The following LRBA variants were observed in gnomAD, a reference collection of about 807,000 sequenced individuals.
LRBA encodes LPS responsive beige-like anchor protein.
Under a neutral mutation model 330.0 loss-of-function variants are expected in LRBA, and 176 were observed. The observed-to-expected ratio is 0.53, with a 90% confidence interval of 0.47 to 0.60. The LOEUF (loss-of-function observed/expected upper bound fraction) is 0.60, where lower values mean the gene tolerates loss of function less well. Among genes scored for constraint, LRBA ranks in the 20% least tolerant of loss-of-function variants. The probability of loss-of-function intolerance (pLI) is 0.00; values close to 1 mark genes in which losing one functional copy is unlikely to be tolerated. For synonymous variants in LRBA, 1,230 were observed against 1,193.0 expected, an observed-to-expected ratio of 1.03 and a Z score of -0.64; for missense variants, 3,259 against 3,444.8, an observed-to-expected ratio of 0.95 and a Z score of 1.35.
intron 44 of LRBA, among the ~76,000 whole-genome samples, chr4:150,449,241 C>G (rs989856329): frequency 6.6e-6 from 1 of 152,054 alleles, no homozygotes; most frequent in Non-Finnish European, 1.5e-5. Flanking sequence ...AGGCAAAGAT[C>G]CACTGCTTCT....
At chr4:150,507,668 G>T (rs1008160704) in intron 40 of LRBA, among the ~76,000 whole-genome samples, 5 of 152,092 alleles carry the variant, frequency 3.3e-5, no homozygotes, top group Admixed American at 1.3e-4. Flanking sequence ...ACAGGCATGG[G>T]CAAGGACTTC....
rs138438544 is a variant in LRBA at position 150,908,875 on chromosome 4, A to T, written c.1162-18T>A. ...AATGTACCCTAAGAATTAATTAAAAACAGTTAAATAGTATGCCACAAAGAG... is the reference window on the plus strand; with the variant it reads ...AATGTACCCTAAGAATTAATTAAAATCAGTTAAATAGTATGCCACAAAGAG... On this transcript the variant is annotated intron_variant, in intron 9 of 56. Coordinates refer to ENST00000651943, the MANE Select transcript of LRBA (RefSeq NM_001364905.1). 3.4e-5 allele frequency: 52 copies of T among 1,551,016 alleles called. No individual in the cohort carries two copies. The African/African-American group carries it at 6.1e-4, about 18-fold the overall frequency.
At chr4:150,674,405 A>G (rs2126879159) in intron 37 of LRBA, among the ~76,000 whole-genome samples, 1 of 152,164 alleles carries the variant, frequency 6.6e-6, no homozygotes, top group East Asian at 1.9e-4. Flanking sequence ...TAAAAAAAAA[A>G]AAGCTTTATT....
At position 150,282,648 on chromosome 4, in the gene LRBA, T is replaced by G. The variant is rs1747684153; in HGVS notation, c.8120-2A>C. The G allele has an allele frequency of 1.9e-6, 3 of 1,586,148 alleles. No individual in the cohort carries two copies. The Admixed American group carries it at 5.5e-5, about 29-fold the overall frequency. On this transcript the variant is annotated splice_acceptor_variant, in intron 54 of 56. Coordinates refer to ENST00000651943, the MANE Select transcript of LRBA (RefSeq NM_001364905.1). LOFTEE classifies it high-confidence loss of function. ...TGGAATGTATGAGACATGGTCCTTC[T>G]GAGAAGAGAGGAGAAATAAAAGGCA...
chr4:150,892,192 C>G (rs1729540731), intron 17 of LRBA, among the ~76,000 whole-genome samples: 1 of 152,162 alleles, frequency 6.6e-6, no homozygotes, highest in Non-Finnish European at 1.5e-5. Context: ...ACTTTTCTTG[C>G]CCACTTTCTC....
chr4:150,717,599 G>A (rs1461472617), intron 36 of LRBA, among the ~76,000 whole-genome samples: 1 of 150,860 alleles, frequency 6.6e-6, no homozygotes, highest in Non-Finnish European at 1.5e-5. Flanking sequence ...AGCTCAGTTT[G>A]CAGTGAGCCA....
chr4:151,003,186 A>C (rs1213468457), intron 2 of LRBA, among the ~76,000 whole-genome samples: 2 of 151,994 alleles, frequency 1.3e-5, no homozygotes, highest in South Asian at 2.1e-4. Context: ...ACTTTAGTTA[A>C]GGAGTTCAGA....
intron 48 of LRBA, among the ~76,000 whole-genome samples, chr4:150,333,010 C>A (rs978715612): frequency 4.0e-5 from 6 of 151,550 alleles, no homozygotes; most frequent in African/African-American, 1.2e-4. Context: ...GAAAAAGAGA[C>A]AATATATATA....
chr4:150,570,710 C>T (rs552560443), intron 40 of LRBA, among the ~76,000 whole-genome samples: 5 of 152,194 alleles, frequency 3.3e-5, no homozygotes, highest in East Asian at 3.9e-4. Context: ...TTTCTCAGCA[C>T]ATGTGATTCT....
chr4:150,899,276 C>T (rs888217903), intron 14 of LRBA, among the ~76,000 whole-genome samples: 6 of 152,104 alleles, frequency 3.9e-5, no homozygotes, highest in African/African-American at 7.2e-5. Flanking sequence ...TAAGTTGTTA[C>T]GGATGTGAAA....
At chr4:150,437,152 A>T (rs2151996277) in intron 44 of LRBA, among the ~76,000 whole-genome samples, 1 of 152,250 alleles carries the variant, frequency 6.6e-6, no homozygotes, top group East Asian at 1.9e-4. Flanking sequence ...GATAAAGACA[A>T]TTACATGAAG....
intron 47 of LRBA, among the ~76,000 whole-genome samples, chr4:150,362,904 T>C (rs907437884): frequency 1.3e-5 from 2 of 151,942 alleles, no homozygotes; most frequent in Non-Finnish European, 2.9e-5. Context: ...CAGCTTGAGA[T>C]CAGCCTGGCA....
At chr4:150,849,739 C>A (rs1750375558) in intron 24 of LRBA, among the ~76,000 whole-genome samples, 164 bp from the exon 25 acceptor site, 1 of 152,194 alleles carries the variant, frequency 6.6e-6, no homozygotes, top group African/African-American at 2.4e-5. Flanking sequence ...TCAGAAGAAA[C>A]AGACCATTCC....
chr4:150,372,438 C>T (rs1026992231), intron 47 of LRBA, among the ~76,000 whole-genome samples: 2 of 151,146 alleles, frequency 1.3e-5, no homozygotes, highest in African/African-American at 2.4e-5. Context: ...GGCGAAACAC[C>T]CTCTCTACAA....
At chr4:150,952,097 T>C (rs1039975638) in intron 2 of LRBA, among the ~76,000 whole-genome samples, 1 of 152,166 alleles carries the variant, frequency 6.6e-6, no homozygotes, top group Non-Finnish European at 1.5e-5. Context: ...CAACTCCAAA[T>C]CATTCTAAGA....
rs371697656 is a variant in LRBA, at chr4:150,938,816, A to G, written c.217-9751T>C. Reference sequence around the variant, plus strand: ...AGACTTTCACCTGAAGGACAAATACATTTCTGTTTTGCAGAAACCACTGTT... The same window carrying G: ...AGACTTTCACCTGAAGGACAAATACGTTTCTGTTTTGCAGAAACCACTGTT... On this transcript the variant is annotated intron_variant, in intron 2 of 56. Transcript: ENST00000651943. 7.4e-4 allele frequency among the ~76,000 whole-genome samples: 113 copies of G among 152,152 alleles called. 4 individuals are homozygous for G. The South Asian group carries it at 0.023, about 31-fold the overall frequency.
At chr4:150,483,773 G>A (rs1367499837) in intron 42 of LRBA, among the ~76,000 whole-genome samples, 1 of 152,054 alleles carries the variant, frequency 6.6e-6, no homozygotes, top group Non-Finnish European at 1.5e-5. Flanking sequence ...CATGAGCGTA[G>A]TATAGTACAA....
chr4:150,781,887 A>G (rs1052356752), intron 34 of LRBA, among the ~76,000 whole-genome samples: 6 of 152,096 alleles, frequency 3.9e-5, no homozygotes, highest in Non-Finnish European at 8.8e-5. Flanking sequence ...TCCATACAAC[A>G]AACATTTGAA....
chr4:150,661,060 A>G (rs2126823383), intron 37 of LRBA, among the ~76,000 whole-genome samples: 1 of 96,864 alleles, frequency 1.0e-5, no homozygotes, highest in South Asian at 4.6e-4. Context: ...CCCAAGAATT[A>G]TCAATAAAAA....
Sources: gnomAD v4.1 joint callset for allele counts (sites outside exome capture counted in the v4.1 genomes callset) on GRCh38, gnomAD v4.1.1 for gene constraint, MANE v1.5 for transcripts, NCBI Gene and HGNC (gene_info 2026-07-23, HGNC 2026-07-21) for gene names.